The following TPO variants were observed in gnomAD, a reference collection of about 807,000 sequenced individuals.
The protein encoded by TPO is thyroid microsomal antigen.
In TPO, 78 loss-of-function variants were observed where a neutral mutation model predicts 96.9. That is an observed-to-expected ratio of 0.81 (90% CI 0.67 to 0.97). The LOEUF is 0.97. TPO is among the 50% of genes least tolerant of loss of function. TPO has a pLI of 0.00. For synonymous variants in TPO, 547 were observed against 538.0 expected (o/e 1.02, Z -0.23); for missense variants, 1,252 against 1,274.8 (o/e 0.98, Z 0.27).
intron 1 of TPO, among the ~76,000 whole-genome samples, chr2:1,382,685 A>G (rs748180737): frequency 1.3e-5 from 2 of 152,202 alleles, no homozygotes; most frequent in Non-Finnish European, 2.9e-5. Flanking sequence ...GACCTGGACT[A>G]CATAGATATG....
intron 5 of TPO, among the ~76,000 whole-genome samples, chr2:1,442,780 G>C (rs963651543): frequency 2.0e-5 from 3 of 152,228 alleles, no homozygotes; most frequent in African/African-American, 7.2e-5. Flanking sequence ...TTCTAGGGTT[G>C]TCATGAGGCT....
intron 1 of TPO, among the ~76,000 whole-genome samples, chr2:1,392,558 G>C (rs1441560402): frequency 6.6e-6 from 1 of 152,164 alleles, no homozygotes; most frequent in Admixed American, 6.5e-5. Context: ...TCTATTGATT[G>C]GAATAGTGTC....
chr2:1,440,124 T>TGC (rs1206695601), intron 5 of TPO, among the ~76,000 whole-genome samples: 1 of 151,822 alleles, frequency 6.6e-6, no homozygotes, highest in African/African-American at 2.4e-5. Context: ...TCCAATGTGC[T>TGC]ACATTTCCAC....
chr2:1,530,348 A>ACT (rs1677808888), intron 15 of TPO, among the ~76,000 whole-genome samples: 2 of 126,602 alleles, frequency 1.6e-5, no homozygotes, highest in Non-Finnish European at 3.3e-5. Context: ...AATCCCCCCA[A>ACT]GTGTGTGCAA....
intron 5 of TPO, among the ~76,000 whole-genome samples, chr2:1,440,414 G>T (rs1293969378): frequency 3.3e-5 from 5 of 152,184 alleles, no homozygotes; most frequent in African/African-American, 1.2e-4. Flanking sequence ...TTTCCTAATT[G>T]CCTAGGACGT....
chr2:1,422,385 C>CGCCTCTCCTGGACAGACCTCGTGCAGGT (rs1558264641), intron 2 of TPO, among the ~76,000 whole-genome samples: 7 of 110,526 alleles, frequency 6.3e-5, no homozygotes, highest in African/African-American at 1.4e-4. Flanking sequence ...CTCGTGCAGG[C>CGCCTCTCCTGGACAGACCTCGTGCAGGT]GCCGCGCTGG....
At chr2:1,523,599 G>C (rs943828484) in intron 15 of TPO, among the ~76,000 whole-genome samples, 2 of 120,340 alleles carry the variant, frequency 1.7e-5, no homozygotes, top group African/African-American at 6.7e-5. Flanking sequence ...CACACTGTGT[G>C]CAAACTCCTC....
chr2:1,532,481 C>G (rs1453870650), intron 15 of TPO, among the ~76,000 whole-genome samples: 3 of 136,612 alleles, frequency 2.2e-5, no homozygotes, highest in Admixed American at 7.3e-5. Flanking sequence ...CAAATCCCCC[C>G]CACAGTGCAA....
chr2:1,522,148 G>GCC (rs149288045), intron 15 of TPO, among the ~76,000 whole-genome samples: 1 of 121,682 alleles, frequency 8.2e-6, no homozygotes, highest in Non-Finnish European at 1.7e-5. Context: ...TGCCCTTACA[G>GCC]TCTCTACCCC....
chr2:1,395,553 C>T (rs1462611065), intron 1 of TPO, among the ~76,000 whole-genome samples: 1 of 152,026 alleles, frequency 6.6e-6, no homozygotes, highest in Admixed American at 6.6e-5. Flanking sequence ...AAATAAAAAA[C>T]ATAAAAATAT....
intron 13 of TPO, among the ~76,000 whole-genome samples, chr2:1,497,068 C>T (rs957747834): frequency 3.3e-5 from 5 of 152,118 alleles, no homozygotes; most frequent in South Asian, 4.1e-4. Flanking sequence ...CTCGCAGGGG[C>T]GCTTTCTCAA....
rs978353876 is a variant in TPO, at chr2:1,540,990, C to T, written c.2748+267C>T. 45 of 1,431,658 alleles carry T rather than the reference C, an allele frequency of 3.1e-5. 1 individual carries two copies. The highest frequency in any genetic ancestry group is 1.9e-4 in the Middle Eastern group (1 of 5,396). The allele number at this position is 1,431,658 out of a possible 1,614,324, so 88.7% of individuals were successfully genotyped here. ...AGGGCTCACTTTCAGGCGTTTGCTT[C>T]CACTTAATCTGAGGATCGGCTGGAA... On this transcript the variant is annotated intron_variant, in intron 16 of 16. Coordinates refer to ENST00000329066, the MANE Select transcript of TPO (RefSeq NM_001206744.2).
intron 15 of TPO, among the ~76,000 whole-genome samples, chr2:1,538,861 C>T (rs911366418): frequency 3.9e-5 from 6 of 152,174 alleles, no homozygotes; most frequent in African/African-American, 1.4e-4. Context: ...GTTGGAAGGA[C>T]GAATGCGCCT....
At position 1,503,980 on chromosome 2, in the gene TPO, C is replaced by A; in HGVS notation, c.2419C>A (p.Pro807Thr). 1 of 1,614,194 alleles carries A rather than the reference C, an allele frequency of 6.2e-7. No individual in the cohort carries two copies. The highest frequency in any genetic ancestry group is 8.5e-7 in the Non-Finnish European group (1 of 1,180,032). ...VNECADGAHP[P>T]CHASARCRNT... Reference sequence around the variant, plus strand: ...CGAGTGTGCAGACGGTGCCCACCCCCCCTGCCACGCCTCTGCGAGGTGCAG... The same window carrying A: ...CGAGTGTGCAGACGGTGCCCACCCCACCTGCCACGCCTCTGCGAGGTGCAG... Residue 807 changes from proline (P) to threonine (T), a missense_variant, in exon 14 of 17, where the codon CCC (proline) becomes ACC (threonine). Transcript: ENST00000329066.
At chr2:1,509,275 C>T (rs1004756073) in intron 14 of TPO, among the ~76,000 whole-genome samples, 3 of 152,192 alleles carry the variant, frequency 2.0e-5, no homozygotes, top group Non-Finnish European at 2.9e-5. Flanking sequence ...TGTTCTTTTA[C>T]ATCTGCTGAG....
intron 10 of TPO, among the ~76,000 whole-genome samples, chr2:1,492,472 T>C (rs1188851729): frequency 6.6e-6 from 1 of 152,118 alleles, no homozygotes; most frequent in Admixed American, 6.6e-5. Flanking sequence ...GCGCAGATTT[T>C]GAATCTCACT....
chr2:1,499,928 A>G (rs1172734544), intron 13 of TPO, among the ~76,000 whole-genome samples: 2 of 152,252 alleles, frequency 1.3e-5, no homozygotes, highest in East Asian at 1.9e-4. Flanking sequence ...ATAAATGCAC[A>G]GTACAAAGAG....
chr2:1,453,871 A>T, intron 6 of TPO, 48 bp downstream of exon 6: 1 of 1,612,934 alleles, frequency 6.2e-7, no homozygotes. Flanking sequence ...GGGTCCTGTG[A>T]TGCTGAGGGA....
chr2:1,374,751 G>A (rs75365846), intron 1 of TPO, among the ~76,000 whole-genome samples: 5,875 of 141,248 alleles, frequency 0.042, 395 homozygotes, highest in African/African-American at 0.15. Flanking sequence ...TTACTGAGAT[G>A]ACGTCTTGCT....
Sources: gnomAD v4.1 joint callset for allele counts (sites outside exome capture counted in the v4.1 genomes callset) on GRCh38, gnomAD v4.1.1 for gene constraint, MANE v1.5 for transcripts, NCBI Gene and HGNC (gene_info 2026-07-23, HGNC 2026-07-21) for gene names.